ANKRD27: variants seen among roughly 807,000 people sequenced by gnomAD.
ANKRD27 encodes the protein ankyrin repeat domain 27, also known as ankyrin repeat domain-containing protein 27.
In ANKRD27, 112 loss-of-function variants were observed where a neutral mutation model predicts 129.7. The ratio of observed to expected loss-of-function variants is 0.86; its 90% confidence interval spans 0.74 to 1.01. The LOEUF is 1.01. Among genes scored for constraint, ANKRD27 ranks in the 50% least tolerant of loss-of-function variants. The pLI is 0.00. For synonymous variants in ANKRD27, 516 were observed against 511.2 expected (o/e 1.01, Z -0.13); for missense variants, 1,258 against 1,300.5 (o/e 0.97, Z 0.50).
chr19:32,626,828 C>T lies in ANKRD27; in HGVS notation c.1421-1G>A, dbSNP rs369907251. The stretch of plus-strand genomic sequence containing the variant: ...AGGAGGTCGATGAGGGATGCCTGCC[C>T]TGCAGAGCAGAAGGACGTCACGATG... On this transcript the variant is annotated splice_acceptor_variant, in intron 15 of 28. Transcript: ENST00000306065. LOFTEE classifies it high-confidence loss of function. The T allele has an allele frequency of 1.2e-5, 20 of 1,605,182 alleles. No individual in the cohort carries two copies. The highest frequency in any genetic ancestry group is 1.7e-5 in the Non-Finnish European group (20 of 1,175,432).
At chr19:32,655,514 G>C (rs1465345817) in intron 2 of ANKRD27, among the ~76,000 whole-genome samples, 1 of 152,184 alleles carries the variant, frequency 6.6e-6, no homozygotes, top group African/African-American at 2.4e-5. Context: ...AAGGTGACAA[G>C]GCAGAAAAGT....
intron 20 of ANKRD27, among the ~76,000 whole-genome samples, chr19:32,617,983 C>T (rs867257284): frequency 1.9e-4 from 29 of 152,038 alleles, no homozygotes; most frequent in Admixed American, 4.6e-4. Context: ...GTCTCAAACT[C>T]CCGACCTCAG....
At chr19:32,620,345 G>C (rs1209958002) in intron 18 of ANKRD27, among the ~76,000 whole-genome samples, 1 of 151,778 alleles carries the variant, frequency 6.6e-6, no homozygotes, top group Non-Finnish European at 1.5e-5. Context: ...GATCACTTGA[G>C]GTCAGGAGTT....
At chr19:32,637,625 AG>A (rs1271313686) in intron 12 of ANKRD27, 1 of 152,332 alleles carries the variant, frequency 6.6e-6, no homozygotes. Context: ...AACAGGCAGG[AG>A]CCCCCATCTC....
intron 3 of ANKRD27, among the ~76,000 whole-genome samples, chr19:32,649,233 A>G (rs79490366): frequency 0.12 from 17,764 of 152,108 alleles, 1,580 homozygotes; most frequent in African/African-American, 0.25. Context: ...TCGGCCCCCC[A>G]AAGTGCTAGA....
intron 2 of ANKRD27, among the ~76,000 whole-genome samples, chr19:32,650,631 C>A (rs1967395541): frequency 7.0e-6 from 1 of 142,862 alleles, no homozygotes; most frequent in African/African-American, 2.6e-5. Context: ...GTTGAGATCA[C>A]ATGATTGCAC....
chr19:32,627,668 G>A (rs527545069), intron 15 of ANKRD27, among the ~76,000 whole-genome samples: 8 of 152,254 alleles, frequency 5.3e-5, no homozygotes, highest in African/African-American at 1.9e-4. Context: ...AAAGTGCTGG[G>A]ATTACAGGCA....
intron 2 of ANKRD27, among the ~76,000 whole-genome samples, chr19:32,656,675 C>G (rs1293782481): frequency 6.6e-6 from 1 of 151,620 alleles, no homozygotes; most frequent in Non-Finnish European, 1.5e-5. Flanking sequence ...GTCCCAGCTA[C>G]TTGGGAGGCT....
At chr19:32,638,938 G>A (rs1038538878) in intron 12 of ANKRD27, 1 of 284,632 alleles carries the variant, frequency 3.5e-6, no homozygotes, top group African/African-American at 2.2e-5. Flanking sequence ...CGTGAAATGA[G>A]CCCAGCAGGC....
intron 1 of ANKRD27, chr19:32,672,917 C>G (rs1216930389): frequency 6.6e-6 from 1 of 152,186 alleles, no homozygotes; most frequent in Non-Finnish European, 1.5e-5. Flanking sequence ...AGGATTGGTA[C>G]CTATCATGAC....
rs759129038 is a variant in ANKRD27, at chr19:32,640,302, G to C, written c.983+5C>G. 3.1e-6 allele frequency: 5 copies of C among 1,611,538 alleles called. No individual in the cohort carries two copies. The highest frequency in any genetic ancestry group is 4.2e-6 in the Non-Finnish European group (5 of 1,177,996). On this transcript the variant is annotated splice_donor_5th_base_variant and intron_variant, in intron 11 of 28. Coordinates refer to ENST00000306065, the MANE Select transcript of ANKRD27 (RefSeq NM_032139.3). Reference sequence around the variant, plus strand: ...TCAAAAGAGTATCTTAAAAGAAAATGTTACCAATTAGGGATCTCCGTTTTC... The same window carrying C: ...TCAAAAGAGTATCTTAAAAGAAAATCTTACCAATTAGGGATCTCCGTTTTC...
chr19:32,660,152 T>C (rs1248218506), intron 1 of ANKRD27, among the ~76,000 whole-genome samples: 1 of 152,174 alleles, frequency 6.6e-6, no homozygotes, highest in Non-Finnish European at 1.5e-5. Flanking sequence ...AATGTTTATG[T>C]CCCCCAAAAA....
intron 18 of ANKRD27, 77 bp downstream of exon 18, chr19:32,622,345 T>TA: frequency 2.0e-6 from 3 of 1,507,838 alleles, no homozygotes; most frequent in Non-Finnish European, 2.7e-6. Flanking sequence ...ACAATTTGTC[T>TA]AGTAGGCCAA....
intron 18 of ANKRD27, among the ~76,000 whole-genome samples, chr19:32,621,615 G>A (rs748998740): frequency 6.6e-6 from 1 of 152,162 alleles, no homozygotes; most frequent in Non-Finnish European, 1.5e-5. Context: ...GCAACAGAGC[G>A]AGACTCCATC....
chr19:32,607,400 C>T (rs970505324), intron 23 of ANKRD27, among the ~76,000 whole-genome samples: 2 of 152,078 alleles, frequency 1.3e-5, no homozygotes, highest in African/African-American at 2.4e-5. Flanking sequence ...ATGACAACCT[C>T]GGTATCACCC....
At chr19:32,613,226 T>C (rs1316566139) in intron 22 of ANKRD27, among the ~76,000 whole-genome samples, 5 of 152,138 alleles carry the variant, frequency 3.3e-5, no homozygotes, top group African/African-American at 7.2e-5. Flanking sequence ...CACACTGAGA[T>C]AGTACTACAC....
chr19:32,645,680 T>G (rs1022816173), intron 4 of ANKRD27, among the ~76,000 whole-genome samples: 2 of 152,136 alleles, frequency 1.3e-5, no homozygotes, highest in African/African-American at 2.4e-5. Flanking sequence ...TAGCCCAGGC[T>G]GGAGTGCAGT....
In ANKRD27 at chr19:32,646,467, T is replaced by A; in HGVS notation, c.362A>T (p.Glu121Val). ...LCIAHPLEKRESSEEPLAPSD... is the reference protein window; with the variant it reads ...LCIAHPLEKRVSSEEPLAPSD... ...TTTTTCTCCCAGAATACCTGAACTC[T>A]CTCTCTTTTCCAAAGGATGGGCTAT... is the stretch of plus-strand genomic sequence containing the variant. Residue 121 changes from glutamate (E) to valine (V), a missense_variant, in exon 4 of 29, where the codon GAG (glutamate) becomes GTG (valine). Physicochemically the swap from Glu to Val is moderately radical, Grantham distance 121 (BLOSUM62 -2). Coordinates refer to ENST00000306065, the MANE Select transcript of ANKRD27 (RefSeq NM_032139.3). 2 of 1,604,712 alleles carry A rather than the reference T, an allele frequency of 1.2e-6. No homozygotes were observed. The highest frequency in any genetic ancestry group is 1.7e-6 in the Non-Finnish European group (2 of 1,177,462).
At chr19:32,670,842 A>C (rs1009986406) in intron 1 of ANKRD27, among the ~76,000 whole-genome samples, 2 of 151,950 alleles carry the variant, frequency 1.3e-5, no homozygotes, top group Admixed American at 1.3e-4. Context: ...AAATACAAAA[A>C]TTAGCCAGGC....
Sources: gnomAD v4.1 joint callset for allele counts (sites outside exome capture counted in the v4.1 genomes callset) on GRCh38, gnomAD v4.1.1 for gene constraint, MANE v1.5 for transcripts, NCBI Gene and HGNC (gene_info 2026-07-23, HGNC 2026-07-21) for gene names.